The following USP54 variants were observed in gnomAD, a reference collection of about 807,000 sequenced individuals.
The protein encoded by USP54 is ubiquitin specific peptidase 54.
USP54 carries 87 observed loss-of-function variants against 170.5 expected under a neutral mutation model. That is an observed-to-expected ratio of 0.51 (90% CI 0.43 to 0.61). The LOEUF (loss-of-function observed/expected upper bound fraction) is 0.61, where lower values mean the gene tolerates loss of function less well. USP54 is among the 20% of genes least tolerant of loss of function. The pLI is 0.00. For missense variants in USP54, 1,786 were observed against 2,047.8 expected, an observed-to-expected ratio of 0.87 and a Z score of 2.47; for synonymous variants, 655 against 742.8, an observed-to-expected ratio of 0.88 and a Z score of 1.92.
chr10:73,558,687 C>T (rs553939664), intron 4 of USP54, among the ~76,000 whole-genome samples: 1 of 152,106 alleles, frequency 6.6e-6, no homozygotes, highest in East Asian at 1.9e-4. Flanking sequence ...TAATTATGCT[C>T]CAAATAAAAG....
At chr10:73,612,481 T>C (rs755765430) in intron 1 of USP54, among the ~76,000 whole-genome samples, 15 of 152,154 alleles carry the variant, frequency 9.9e-5, no homozygotes, top group Non-Finnish European at 1.8e-4. Flanking sequence ...TACTCACTGA[T>C]GGTCAAGAGA....
At chr10:73,594,668 G>T (rs996248843), upstream of USP54, among the ~76,000 whole-genome samples, 2 of 152,156 alleles carry the variant, frequency 1.3e-5, no homozygotes, top group African/African-American at 4.8e-5. Context: ...GTGGGGAAGA[G>T]ACTGCTTTAT....
Position 73,541,536 on chromosome 10 carries a change from T to G in USP54, c.679-15A>C, listed in dbSNP as rs2066599397. 6.2e-7 allele frequency: 1 copy of G among 1,613,910 alleles called. No homozygotes were observed. The highest frequency in any genetic ancestry group is 1.7e-5 in the Admixed American group (1 of 59,990). ...CCACAGTTGCTCTGAAATACATATA[T>G]AAGGCTAGTTCAACATGTTTCCCAC... On this transcript the variant is annotated splice_polypyrimidine_tract_variant and intron_variant, in intron 8 of 23. Coordinates refer to ENST00000687698, the MANE Select transcript of USP54 (RefSeq NM_001391956.1).
chr10:73,551,954 C>T (rs1384939810), intron 4 of USP54, among the ~76,000 whole-genome samples: 2 of 152,166 alleles, frequency 1.3e-5, no homozygotes, highest in African/African-American at 4.8e-5. Flanking sequence ...ATAGCACTAG[C>T]TATATGGCAT....
chr10:73,559,503 T>C (rs1301046969), intron 4 of USP54, among the ~76,000 whole-genome samples: 1 of 148,592 alleles, frequency 6.7e-6, no homozygotes, highest in Non-Finnish European at 1.5e-5. Flanking sequence ...GAGGTTGCGA[T>C]GAGCCTAGAT....
intron 1 of USP54, among the ~76,000 whole-genome samples, chr10:73,584,344 C>T (rs564001795): frequency 1.8e-4 from 28 of 151,796 alleles, no homozygotes; most frequent in Non-Finnish European, 3.1e-4. Flanking sequence ...GCCAAGATCA[C>T]GCCACTGCAC....
intron 1 of USP54, among the ~76,000 whole-genome samples, chr10:73,624,780 T>C (rs2081390397): frequency 6.6e-6 from 1 of 152,216 alleles, no homozygotes. Context: ...TTCCCCTCTG[T>C]GATTTTTAAC....
At chr10:73,562,499 TC>T (rs2073306187) in intron 4 of USP54, among the ~76,000 whole-genome samples, 1 of 152,208 alleles carries the variant, frequency 6.6e-6, no homozygotes, top group African/African-American at 2.4e-5. Context: ...AATATGTTCT[TC>T]AGTTTTGCCT....
At chr10:73,571,225 T>C (rs1161039578) in intron 4 of USP54, among the ~76,000 whole-genome samples, 196 bp downstream of exon 4, 1 of 150,774 alleles carries the variant, frequency 6.6e-6, no homozygotes, top group African/African-American at 2.4e-5. Context: ...CAAAAAAGGT[T>C]CAGTAAAAGA....
In USP54 at chr10:73,501,455, C is replaced by G. The variant is rs188577297; in HGVS notation, c.4312-617G>C. ...AACACTAACATATCCAAAATTGAAC[C>G]AAAATCCTTCCAAACTCCTCCTCCT... On this transcript the variant is annotated intron_variant, in intron 22 of 23. Coordinates refer to ENST00000687698, the MANE Select transcript of USP54 (RefSeq NM_001391956.1). 1.3e-3 allele frequency among the ~76,000 whole-genome samples: 199 copies of G among 152,164 alleles called. 2 individuals are homozygous for G. Among genetic ancestry groups the G allele is most frequent in the Middle Eastern group, 6.8e-3 (2 of 294 alleles).
chr10:73,524,745 G>A (rs2062557087), intron 16 of USP54, among the ~76,000 whole-genome samples: 1 of 152,156 alleles, frequency 6.6e-6, no homozygotes, highest in Non-Finnish European at 1.5e-5. Flanking sequence ...TTATGAGGTA[G>A]ATACTATTAC....
At chr10:73,603,262 A>G (rs2132274688) in intron 1 of USP54, among the ~76,000 whole-genome samples, 1 of 152,324 alleles carries the variant, frequency 6.6e-6, no homozygotes, top group South Asian at 2.1e-4. Flanking sequence ...GATTATAAAG[A>G]TGTTTACTGT....
chr10:73,622,983 G>T (rs2081212154), intron 1 of USP54, among the ~76,000 whole-genome samples: 1 of 151,094 alleles, frequency 6.6e-6, no homozygotes, highest in Non-Finnish European at 1.5e-5. Flanking sequence ...ACTGACCAGT[G>T]AATTTTCTCC....
chr10:73,576,920 CTGTT>C (rs970572676), intron 1 of USP54, among the ~76,000 whole-genome samples: 19 of 152,126 alleles, frequency 1.2e-4, no homozygotes, highest in African/African-American at 3.6e-4. Context: ...TTCTCCTGCC[CTGTT>C]TGTTTGTTTG....
Position 73,516,453 on chromosome 10 carries a change from C to T in USP54, c.3973G>A (p.Ala1325Thr), listed in dbSNP as rs765600201. The T allele has an allele frequency of 6.2e-7, 1 of 1,613,938 alleles. No individual in the cohort carries two copies. The highest frequency in any genetic ancestry group is 2.2e-5 in the East Asian group (1 of 44,876). The change falls in exon 20 of 24, where the codon GCC becomes ACC. Residue 1325 changes from alanine (A) to threonine (T), a missense_variant. Physicochemically the swap from Ala to Thr is moderately conservative, Grantham distance 58. Transcript: ENST00000687698. The stretch of plus-strand genomic sequence containing the variant: ...CCAGCTTGAGAAGCCTGAAGACTGG[C>T]CTGATACAGAGACTCCAATTCTGAG... The part of the protein sequence containing the change: ...ETSELESLYQ[A>T]SLQASQAGCS...
chr10:73,575,711 G>C, intron 2 of USP54, 36 bp from the exon 3 acceptor site: 1 of 1,504,138 alleles, frequency 6.6e-7, no homozygotes, highest in South Asian at 1.4e-5. Flanking sequence ...GTGCCTTTTT[G>C]GCAGGAATTT....
At chr10:73,511,804 G>A (rs1241182636) in intron 20 of USP54, among the ~76,000 whole-genome samples, 2 of 149,178 alleles carry the variant, frequency 1.3e-5, no homozygotes, top group African/African-American at 2.5e-5. Context: ...GTGCAGTGGC[G>A]TGATCTCGGC....
At chr10:73,612,839 C>CAAAAAAAA (rs756355670) in intron 1 of USP54, among the ~76,000 whole-genome samples, 1 of 42,130 alleles carries the variant, frequency 2.4e-5, no homozygotes, top group African/African-American at 8.9e-5. Flanking sequence ...GACATTGTCT[C>CAAAAAAAA]AAAAAAAAAA....
intron 3 of USP54, among the ~76,000 whole-genome samples, 188 bp from the exon 4 acceptor site, chr10:73,571,701 A>G (rs1163584353): frequency 6.6e-6 from 1 of 152,224 alleles, no homozygotes; most frequent in Non-Finnish European, 1.5e-5. Flanking sequence ...ATAAATGGTC[A>G]TATTCTGGGA....
Sources: gnomAD v4.1 joint callset for allele counts (sites outside exome capture counted in the v4.1 genomes callset) on GRCh38, gnomAD v4.1.1 for gene constraint, MANE v1.5 for transcripts, NCBI Gene and HGNC (gene_info 2026-07-23, HGNC 2026-07-21) for gene names.